The following COG5 variants were observed in gnomAD, a reference collection of about 807,000 sequenced individuals.
COG5 encodes the protein conserved oligomeric Golgi complex subunit 5.
Under a neutral mutation model 110.4 loss-of-function variants are expected in COG5, and 86 were observed. The ratio of observed to expected loss-of-function variants is 0.78; its 90% CI spans 0.65 to 0.93. The LOEUF (loss-of-function observed/expected upper bound fraction) is 0.93. Among genes scored for constraint, COG5 ranks in the 40% least tolerant of loss-of-function variants. COG5 has a pLI of 0.00. For missense variants in COG5, 1,077 were observed against 987.0 expected, an observed-to-expected ratio of 1.09 and a Z score of -1.22; for synonymous variants, 360 against 334.6, an observed-to-expected ratio of 1.08 and a Z score of -0.83.
At chr7:107,221,285 G>A (rs1799909201) in intron 19 of COG5, among the ~76,000 whole-genome samples, 1 of 152,122 alleles carries the variant, frequency 6.6e-6, no homozygotes, top group East Asian at 1.9e-4. Flanking sequence ...CAGGGGTGGG[G>A]GTGGGGTTCA....
intron 10 of COG5, among the ~76,000 whole-genome samples, chr7:107,333,092 A>G (rs1810409347): frequency 6.6e-6 from 1 of 152,194 alleles, no homozygotes; most frequent in African/African-American, 2.4e-5. Context: ...TACAGTGTAA[A>G]AAACTTAGCA....
At chr7:107,230,525 A>G (rs1456767729) in intron 19 of COG5, 90 bp downstream of exon 19, 1 of 964,298 alleles carries the variant, frequency 1.0e-6, no homozygotes, top group Non-Finnish European at 1.7e-6. Context: ...AAAATGGTTG[A>G]ATATTGGCAA....
At chr7:107,477,580 T>C (rs535961766) in intron 6 of COG5, among the ~76,000 whole-genome samples, 2 of 151,986 alleles carry the variant, frequency 1.3e-5, no homozygotes, top group African/African-American at 2.4e-5. Context: ...ACAAGCATTG[T>C]TGACCATCCG....
At chr7:107,226,004 T>C (rs1010166742) in intron 19 of COG5, among the ~76,000 whole-genome samples, 20 of 151,758 alleles carry the variant, frequency 1.3e-4, no homozygotes, top group East Asian at 3.9e-4. Flanking sequence ...GATCATGCCA[T>C]TGCACTCCAA....
intron 14 of COG5, among the ~76,000 whole-genome samples, chr7:107,267,473 T>C (rs1183245626): frequency 1.3e-5 from 2 of 152,236 alleles, no homozygotes; most frequent in African/African-American, 2.4e-5. Flanking sequence ...TTTTAATTAT[T>C]TGAAAAAGAA....
intron 14 of COG5, among the ~76,000 whole-genome samples, chr7:107,277,319 C>T (rs1804775200): frequency 1.3e-5 from 2 of 152,070 alleles, no homozygotes; most frequent in South Asian, 2.1e-4. Context: ...AGAATACAGT[C>T]GTGGGTTCTT....
intron 14 of COG5, among the ~76,000 whole-genome samples, chr7:107,279,103 C>G (rs1046361384): frequency 2.0e-5 from 3 of 152,070 alleles, no homozygotes; most frequent in African/African-American, 7.2e-5. Context: ...GAAAAACAAA[C>G]AACCCCATCA....
At chr7:107,295,103 T>C (rs369786606) in intron 12 of COG5, among the ~76,000 whole-genome samples, 1 of 46,078 alleles carries the variant, frequency 2.2e-5, no homozygotes, top group Non-Finnish European at 4.4e-5. Context: ...ATATATATAT[T>C]TTTTTTTTTT....
intron 14 of COG5, 64 bp downstream of exon 14, chr7:107,281,236 G>A: frequency 2.0e-6 from 2 of 1,022,864 alleles, no homozygotes; most frequent in South Asian, 2.7e-5. Context: ...GATTAGTCAA[G>A]TATTATATAG....
At chr7:107,308,294 T>C (rs913968809) in intron 11 of COG5, among the ~76,000 whole-genome samples, 2 of 152,180 alleles carry the variant, frequency 1.3e-5, no homozygotes, top group African/African-American at 4.8e-5. Context: ...TGTTTGGGTC[T>C]TACTCTTAGA....
intron 21 of COG5, chr7:107,209,919 AGTT>A (rs1442470229): frequency 2.0e-6 from 2 of 986,510 alleles, no homozygotes; most frequent in East Asian, 1.1e-4. Context: ...TGGTGAGAGC[AGTT>A]GCAGGGAAGA....
At chr7:107,352,567 A>T (rs1295091741) in intron 10 of COG5, among the ~76,000 whole-genome samples, 2 of 152,022 alleles carry the variant, frequency 1.3e-5, no homozygotes, top group Admixed American at 1.3e-4. Flanking sequence ...TATTTTAATC[A>T]AATTGAGATT....
At chr7:107,353,750 T>C (rs545588344) in intron 10 of COG5, among the ~76,000 whole-genome samples, 20 of 152,144 alleles carry the variant, frequency 1.3e-4, no homozygotes, top group Non-Finnish European at 2.4e-4. Flanking sequence ...AGTTTTATTT[T>C]ATATTCAGAC....
At chr7:107,312,093 T>A (rs56866943) in intron 11 of COG5, among the ~76,000 whole-genome samples, 2 of 128,166 alleles carry the variant, frequency 1.6e-5, no homozygotes, top group Admixed American at 7.1e-5. Context: ...CCTGCAACCA[T>A]CTTTTCATGT....
intron 8 of COG5, among the ~76,000 whole-genome samples, chr7:107,366,678 C>A (rs1197249537): frequency 6.6e-6 from 1 of 151,994 alleles, no homozygotes; most frequent in Non-Finnish European, 1.5e-5. Context: ...ACACTAAAAC[C>A]CAGCAGTTGG....
At chr7:107,224,855 C>G (rs1216077713) in intron 19 of COG5, among the ~76,000 whole-genome samples, 1 of 152,230 alleles carries the variant, frequency 6.6e-6, no homozygotes, top group Non-Finnish European at 1.5e-5. Context: ...AGGCAGCATT[C>G]TCTACTGAGT....
intron 11 of COG5, among the ~76,000 whole-genome samples, chr7:107,310,924 TAAAA>T (rs112709689): frequency 1.4e-5 from 2 of 147,500 alleles, no homozygotes; most frequent in Non-Finnish European, 3.0e-5. Context: ...AGCACATATG[TAAAA>T]AAAAAAAATC....
intron 5 of COG5, among the ~76,000 whole-genome samples, chr7:107,533,713 G>T (rs1801375156): frequency 6.6e-6 from 1 of 151,598 alleles, no homozygotes; most frequent in Admixed American, 6.6e-5. Context: ...AAGCGATGGG[G>T]AGAATGGAAC....
intron 19 of COG5, among the ~76,000 whole-genome samples, chr7:107,230,106 C>T (rs1175003766): frequency 6.6e-6 from 1 of 152,018 alleles, no homozygotes; most frequent in Non-Finnish European, 1.5e-5. Context: ...CTGCCTCGGC[C>T]TCCCAAAGTG....
Sources: gnomAD v4.1 joint callset for allele counts (sites outside exome capture counted in the v4.1 genomes callset) on GRCh38, gnomAD v4.1.1 for gene constraint, MANE v1.5 for transcripts, NCBI Gene and HGNC (gene_info 2026-07-23, HGNC 2026-07-21) for gene names.